The following TIPIN variants were observed in gnomAD, a reference collection of about 807,000 sequenced individuals.
TIPIN encodes TIMELESS-interacting protein.
A neutral mutation model predicts 35.6 loss-of-function variants in TIPIN; 29 were observed. The ratio of observed to expected loss-of-function variants is 0.82; its 90% CI spans 0.61 to 1.11. TIPIN has a LOEUF of 1.11. TIPIN is among the 50% of genes most tolerant of loss of function. The pLI is 0.00. For missense variants in TIPIN, 296 were observed against 345.4 expected (o/e 0.86, Z 1.13); for synonymous variants, 102 against 121.5 (o/e 0.84, Z 1.06).
intron 1 of TIPIN, among the ~76,000 whole-genome samples, chr15:66,384,710 T>C (rs906231757): frequency 1.3e-5 from 2 of 151,714 alleles, no homozygotes; most frequent in South Asian, 4.2e-4. Context: ...GTCAGGAGTT[T>C]GAGACCAGCC....
At chr15:66,354,601 T>G (rs751884442) in intron 1 of TIPIN, among the ~76,000 whole-genome samples, 10 of 152,200 alleles carry the variant, frequency 6.6e-5, no homozygotes, top group Admixed American at 6.6e-5. Flanking sequence ...GCTCTTAAGA[T>G]AAAGACAAAA....
chr15:66,380,512 T>C (rs2093315047), intron 1 of TIPIN, among the ~76,000 whole-genome samples: 1 of 152,036 alleles, frequency 6.6e-6, no homozygotes, highest in African/African-American at 2.4e-5. Context: ...TTTCTGTTTA[T>C]GACAAAACAA....
chr15:66,349,524 C>G (rs2093152692), intron 4 of TIPIN, 87 bp from the exon 5 acceptor site: 2 of 1,492,432 alleles, frequency 1.3e-6, no homozygotes, highest in South Asian at 2.6e-5. Flanking sequence ...AAAGCTATGC[C>G]AAAATCACTG....
At chr15:66,373,219 C>A (rs375340018) in intron 1 of TIPIN, among the ~76,000 whole-genome samples, 2 of 151,790 alleles carry the variant, frequency 1.3e-5, no homozygotes, top group African/African-American at 2.4e-5. Flanking sequence ...CATGGCCGGG[C>A]GCAGTGGCTC....
chr15:66,344,360 T>C (rs560035374), intron 6 of TIPIN, among the ~76,000 whole-genome samples: 138 of 152,112 alleles, frequency 9.1e-4, no homozygotes, highest in African/African-American at 3.1e-3. Flanking sequence ...GGCAGAAGGA[T>C]TGCTTGAGAA....
chr15:66,382,024 C>G (rs947432784), intron 1 of TIPIN, among the ~76,000 whole-genome samples: 4 of 151,796 alleles, frequency 2.6e-5, no homozygotes, highest in African/African-American at 9.7e-5. Context: ...GAGATTGCAC[C>G]ACTGCACTCC....
At chr15:66,380,916 G>T (rs1446264021) in intron 1 of TIPIN, among the ~76,000 whole-genome samples, 1 of 151,896 alleles carries the variant, frequency 6.6e-6, no homozygotes, top group Non-Finnish European at 1.5e-5. Context: ...GTCTTTTCTT[G>T]TCCAGTATTT....
intron 1 of TIPIN, among the ~76,000 whole-genome samples, chr15:66,378,391 T>C (rs925842271): frequency 6.6e-6 from 1 of 152,174 alleles, no homozygotes; most frequent in East Asian, 1.9e-4. Flanking sequence ...TTCCTTGGCC[T>C]CCCAAAGTGC....
chr15:66,360,898 G>A (rs1023881672), upstream of TIPIN, among the ~76,000 whole-genome samples: 2 of 152,084 alleles, frequency 1.3e-5, no homozygotes, highest in African/African-American at 2.4e-5. Context: ...CCCAGGAGGC[G>A]GAGGTTGCAG....
chr15:66,337,209 A>G (rs770215613), intron 7 of TIPIN, 28 bp from the exon 8 acceptor site: 7 of 1,587,402 alleles, frequency 4.4e-6, no homozygotes, highest in Non-Finnish European at 6.0e-6. Flanking sequence ...ATTATTATTC[A>G]TTATAAGTAC....
At chr15:66,375,146 G>T (rs1341539219) in intron 1 of TIPIN, among the ~76,000 whole-genome samples, 1 of 152,020 alleles carries the variant, frequency 6.6e-6, no homozygotes, top group African/African-American at 2.4e-5. Context: ...AGGTGCAGTG[G>T]TGCATGTCCA....
chr15:66,360,895 G>A (rs1958672426), upstream of TIPIN, among the ~76,000 whole-genome samples: 2 of 152,178 alleles, frequency 1.3e-5, no homozygotes, highest in Admixed American at 1.3e-4. Context: ...GAACCCAGGA[G>A]GCGGAGGTTG....
At chr15:66,339,964 G>T (rs888948207) in intron 7 of TIPIN, among the ~76,000 whole-genome samples, 2 of 151,590 alleles carry the variant, frequency 1.3e-5, no homozygotes, top group Admixed American at 6.6e-5. Flanking sequence ...CCACCTCCCA[G>T]GTTCAAGCGA....
At chr15:66,379,472 T>G in intron 1 of TIPIN, 2 of 1,608,078 alleles carry the variant, frequency 1.2e-6, no homozygotes, top group South Asian at 2.2e-5. Context: ...CAATGTCATT[T>G]CCTTCAAAGA....
chr15:66,379,573 G>C, intron 1 of TIPIN: 8 of 1,611,314 alleles, frequency 5.0e-6, no homozygotes, highest in Non-Finnish European at 6.8e-6. Flanking sequence ...AAGAAATTTC[G>C]GATTTCAACA....
chr15:66,355,730 G>C (rs1013849132), intron 1 of TIPIN, among the ~76,000 whole-genome samples: 1 of 152,150 alleles, frequency 6.6e-6, no homozygotes, highest in African/African-American at 2.4e-5. Context: ...CAGCCTGAGC[G>C]AAAGAGCGAG....
At chr15:66,337,780 T>A (rs11379707) in intron 7 of TIPIN, among the ~76,000 whole-genome samples, 32,549 of 145,240 alleles carry the variant, frequency 0.22, 3,725 homozygotes, top group East Asian at 0.39. Context: ...AAAAATAAAA[T>A]AAAAAAAAAA....
intron 1 of TIPIN, among the ~76,000 whole-genome samples, chr15:66,382,038 TG>T (rs1293201197): frequency 3.3e-5 from 5 of 149,864 alleles, no homozygotes; most frequent in Non-Finnish European, 5.9e-5. Context: ...GCACTCCACC[TG>T]GGCGATGAGT....
At chr15:66,370,831 T>C (rs2093275130) in intron 1 of TIPIN, among the ~76,000 whole-genome samples, 1 of 152,148 alleles carries the variant, frequency 6.6e-6, no homozygotes, top group Non-Finnish European at 1.5e-5. Context: ...AATATGGACT[T>C]GCCACTAAAA....
Sources: allele counts gnomAD v4.1 joint callset (sites outside exome capture counted in the v4.1 genomes callset), GRCh38; gene constraint gnomAD v4.1.1; transcripts MANE v1.5; gene names NCBI Gene and HGNC (gene_info 2026-07-23, HGNC 2026-07-21).